ZPBP: variants seen among roughly 807,000 people sequenced by gnomAD.
The protein encoded by ZPBP is zona pellucida-binding protein 1.
A neutral mutation model predicts 44.8 loss-of-function variants in ZPBP; 26 were observed. That is an observed-to-expected ratio of 0.58 (90% CI 0.43 to 0.81). The LOEUF (loss-of-function observed/expected upper bound fraction) is 0.81, where lower values mean the gene tolerates loss of function less well. ZPBP is among the 30% of genes least tolerant of loss of function. ZPBP has a pLI of 0.00. For missense variants in ZPBP, 409 were observed against 434.0 expected (o/e 0.94, Z 0.51); for synonymous variants, 174 against 153.2 (o/e 1.14, Z -1.00).
chr7:49,911,407 C>T (rs943270718), intron 1 of ZPBP, among the ~76,000 whole-genome samples: 1 of 137,410 alleles, frequency 7.3e-6, no homozygotes, highest in African/African-American at 2.8e-5. Flanking sequence ...GCTTGAACCC[C>T]GGAGGCAGAG....
At chr7:50,003,631 T>C (rs1214627312) in intron 6 of ZPBP, among the ~76,000 whole-genome samples, 2 of 152,106 alleles carry the variant, frequency 1.3e-5, no homozygotes, top group Non-Finnish European at 2.9e-5. Context: ...TGGAGGCCAC[T>C]GACAGCAAAG....
At chr7:49,868,732 C>T (rs376972313) in intron 2 of ZPBP, among the ~76,000 whole-genome samples, 55 of 152,206 alleles carry the variant, frequency 3.6e-4, no homozygotes, top group African/African-American at 1.2e-3. Context: ...ATTCTCCTGC[C>T]TCAGCCTCCC....
At chr7:50,052,645 C>G (rs1172689864) in intron 4 of ZPBP, among the ~76,000 whole-genome samples, 2 of 152,120 alleles carry the variant, frequency 1.3e-5, no homozygotes, top group African/African-American at 4.8e-5. Flanking sequence ...GAAAAACAAT[C>G]CACAAACGTC....
chr7:50,058,874 G>C (rs113885345), intron 3 of ZPBP, among the ~76,000 whole-genome samples: 125,673 of 151,672 alleles, frequency 0.83, 52,104 homozygotes, highest in East Asian at 0.88. Flanking sequence ...ATTGACACTT[G>C]GGGTTTGAGA....
intron 6 of ZPBP, among the ~76,000 whole-genome samples, chr7:49,992,032 C>T (rs1797597438): frequency 6.6e-6 from 1 of 151,932 alleles, no homozygotes; most frequent in African/African-American, 2.4e-5. Context: ...TAGCTATGTC[C>T]CTAATTCACA....
chr7:49,955,056 AAAC>A (rs1795518106), intron 7 of ZPBP, among the ~76,000 whole-genome samples: 1 of 152,210 alleles, frequency 6.6e-6, no homozygotes, highest in Non-Finnish European at 1.5e-5. Context: ...TATGAAAGTT[AAAC>A]AACATACTAA....
intron 7 of ZPBP, among the ~76,000 whole-genome samples, chr7:49,952,888 G>A (rs1367884687): frequency 6.6e-6 from 1 of 151,856 alleles, no homozygotes; most frequent in Non-Finnish European, 1.5e-5. Flanking sequence ...AGCCTGAAGA[G>A]ATCTATTACC....
At chr7:49,865,561 C>G (rs764158883) in intron 2 of ZPBP, among the ~76,000 whole-genome samples, 3 of 152,208 alleles carry the variant, frequency 2.0e-5, no homozygotes, top group Non-Finnish European at 4.4e-5. Flanking sequence ...TAATCCTCCA[C>G]ATAGTGGGCT....
chr7:49,892,505 T>C (rs957757814), intron 2 of ZPBP, among the ~76,000 whole-genome samples: 7 of 152,220 alleles, frequency 4.6e-5, no homozygotes, highest in Admixed American at 3.3e-4. Flanking sequence ...AGTGCAGAGA[T>C]AGGCAAACCT....
chr7:49,952,547 T>C (rs773157154), intron 7 of ZPBP, among the ~76,000 whole-genome samples: 10 of 152,100 alleles, frequency 6.6e-5, no homozygotes, highest in East Asian at 1.9e-4. Context: ...GAAACTCTCA[T>C]AGCTATACAG....
chr7:49,861,259 T>C (rs566626123), intron 2 of ZPBP, among the ~76,000 whole-genome samples: 1 of 152,248 alleles, frequency 6.6e-6, no homozygotes, highest in African/African-American at 2.4e-5. Context: ...TCCTAATGAT[T>C]AATGACATTG....
intron 1 of ZPBP, chr7:49,914,548 T>G (rs1387337950): frequency 6.6e-6 from 1 of 152,142 alleles, no homozygotes; most frequent in Non-Finnish European, 1.5e-5. Flanking sequence ...AAATAATGCA[T>G]AAACCAAACA....
intron 7 of ZPBP, among the ~76,000 whole-genome samples, chr7:49,967,411 G>A (rs1010327270): frequency 6.6e-6 from 1 of 151,988 alleles, no homozygotes; most frequent in African/African-American, 2.4e-5. Context: ...AAAATGCATC[G>A]TACCTAGAGT....
chr7:50,043,207 C>T (rs1436435918), intron 4 of ZPBP, among the ~76,000 whole-genome samples: 2 of 152,214 alleles, frequency 1.3e-5, no homozygotes, highest in Non-Finnish European at 2.9e-5. Flanking sequence ...TACTTTTAAT[C>T]TATAATCTAT....
intron 2 of ZPBP, among the ~76,000 whole-genome samples, chr7:49,863,082 A>AAT (rs1258394018): frequency 1.3e-5 from 2 of 152,010 alleles, no homozygotes; most frequent in African/African-American, 2.4e-5. Flanking sequence ...CACCAGTGAA[A>AAT]CCATCTGGTC....
At chr7:50,059,064 G>T (rs1801115890) in intron 3 of ZPBP, among the ~76,000 whole-genome samples, 1 of 152,148 alleles carries the variant, frequency 6.6e-6, no homozygotes, top group African/African-American at 2.4e-5. Context: ...CTGTTATTCT[G>T]AAAGTTCATA....
chr7:49,855,601 A>T (rs1790384474), intron 2 of ZPBP, among the ~76,000 whole-genome samples: 1 of 152,240 alleles, frequency 6.6e-6, no homozygotes, highest in Admixed American at 6.5e-5. Context: ...CGTCCCTTTA[A>T]GTCAGGACAG....
chr7:49,848,319 C>T (rs1198881181), downstream of ZPBP, among the ~76,000 whole-genome samples: 2 of 152,216 alleles, frequency 1.3e-5, no homozygotes, highest in Non-Finnish European at 2.9e-5. Flanking sequence ...TTTCCAGGAT[C>T]TTCTCTCTCC....
At chr7:49,944,266 CT>C in intron 7 of ZPBP, 1 of 352,002 alleles carries the variant, frequency 2.8e-6, no homozygotes. Flanking sequence ...ATTCCAGGGG[CT>C]TAATGATCTT....
Sources: allele counts gnomAD v4.1 joint callset (sites outside exome capture counted in the v4.1 genomes callset), GRCh38; gene constraint gnomAD v4.1.1; transcripts MANE v1.5; gene names NCBI Gene and HGNC (gene_info 2026-07-23, HGNC 2026-07-21).